Variants in MARCHF11 observed in about 807,000 individuals in gnomAD.
The protein encoded by MARCHF11 is E3 ubiquitin-protein ligase MARCHF11.
Under a neutral mutation model 37.3 loss-of-function variants are expected in MARCHF11, and 29 were observed. The ratio of observed to expected loss-of-function variants is 0.78; its 90% CI spans 0.58 to 1.06. The LOEUF (loss-of-function observed/expected upper bound fraction) is 1.06, where lower values mean the gene tolerates loss of function less well. MARCHF11 is among the 50% of genes least tolerant of loss of function. The pLI, the probability that MARCHF11 is intolerant of heterozygous loss-of-function variation, is 0.00. For synonymous variants in MARCHF11, 233 were observed against 228.0 expected (o/e 1.02, Z -0.20); for missense variants, 482 against 533.4 (o/e 0.90, Z 0.95).
chr5:16,179,769 G>A lies in MARCHF11; in HGVS notation c.-194C>T. On this transcript the variant is annotated 5_prime_UTR_variant, in exon 1 of 4. Coordinates refer to ENST00000332432, the MANE Select transcript of MARCHF11 (RefSeq NM_001102562.3). Reference sequence around the variant, plus strand: ...GCGGCGGCGGCAGGCGCGGCCGTTCGGTGGAGCCGCCGGCTCGGCTCTGAT... The same window carrying A: ...GCGGCGGCGGCAGGCGCGGCCGTTCAGTGGAGCCGCCGGCTCGGCTCTGAT... The A allele has an allele frequency of 3.7e-6, 1 of 273,058 alleles. No individual in the cohort carries two copies. The highest frequency in any genetic ancestry group is 6.5e-6 in the Non-Finnish European group (1 of 152,926). 16.9% of individuals were successfully genotyped at this position (273,058 alleles called of 1,614,324 possible). A position where few individuals can be genotyped will look rare whatever the true frequency, so the allele number is the denominator to read the frequency against.
intron 2 of MARCHF11, among the ~76,000 whole-genome samples, chr5:16,125,054 T>A (rs148602085): frequency 2.2e-4 from 34 of 151,644 alleles, no homozygotes; most frequent in African/African-American, 7.2e-4. Context: ...TTATTATAAT[T>A]GCCTTCAATC....
intron 2 of MARCHF11, among the ~76,000 whole-genome samples, chr5:16,126,639 A>C (rs1737414432): frequency 6.6e-6 from 1 of 152,226 alleles, no homozygotes; most frequent in East Asian, 1.9e-4. Flanking sequence ...AGGGCAAAAA[A>C]GCTAAAAGAT....
chr5:16,138,219 C>T (rs969937549), intron 2 of MARCHF11, among the ~76,000 whole-genome samples: 22 of 152,144 alleles, frequency 1.4e-4, no homozygotes, highest in Admixed American at 1.0e-3. Flanking sequence ...GTTACATCAG[C>T]GGAGCTCAGG....
chr5:16,092,939 G>C (rs1010240678), intron 2 of MARCHF11, among the ~76,000 whole-genome samples: 1 of 152,162 alleles, frequency 6.6e-6, no homozygotes, highest in Non-Finnish European at 1.5e-5. Flanking sequence ...CAGATATGAA[G>C]TGTCAGTATC....
chr5:16,153,455 T>A (rs1737920595), intron 2 of MARCHF11, among the ~76,000 whole-genome samples: 1 of 151,952 alleles, frequency 6.6e-6, no homozygotes, highest in African/African-American at 2.4e-5. Flanking sequence ...TGACTGTCAC[T>A]GTAGGCAACT....
intron 2 of MARCHF11, among the ~76,000 whole-genome samples, chr5:16,100,154 G>A (rs1304961518): frequency 1.3e-5 from 2 of 152,106 alleles, no homozygotes; most frequent in African/African-American, 4.8e-5. Context: ...AATTGCAAAG[G>A]AGGAGAGAAA....
chr5:16,077,589 A>G (rs79020373), intron 3 of MARCHF11, among the ~76,000 whole-genome samples: 4,133 of 152,300 alleles, frequency 0.027, 172 homozygotes, highest in African/African-American at 0.094. Context: ...CCATCTAAGT[A>G]TAATTAAAAT....
intron 2 of MARCHF11, among the ~76,000 whole-genome samples, chr5:16,160,308 TATTTAATATAAACATTTAATA>T (rs1241692574): frequency 2.6e-5 from 2 of 75,850 alleles, no homozygotes; most frequent in South Asian, 6.1e-4. Context: ...ATATATTTAA[TATTTAATATAAACATTTAATA>T]ATTTAATATA....
intron 2 of MARCHF11, among the ~76,000 whole-genome samples, chr5:16,176,838 C>T (rs1049398316): frequency 7.2e-5 from 11 of 152,062 alleles, no homozygotes; most frequent in Admixed American, 2.0e-4. Flanking sequence ...CTTTGCAATT[C>T]CCTATTCTTT....
rs1325112755 is a variant in MARCHF11, at chr5:16,088,062, TCC to T, written c.886+2825_886+2826del. Among the ~76,000 whole-genome samples the T allele has an allele frequency of 3.3e-5, 5 of 152,188 alleles. No homozygotes were observed. The East Asian group carries it at 9.6e-4, about 29-fold the overall frequency. On this transcript the variant is annotated intron_variant, in intron 3 of 3. Coordinates refer to ENST00000332432, the MANE Select transcript of MARCHF11 (RefSeq NM_001102562.3). The stretch of plus-strand genomic sequence containing the variant: ...AGGGATGTCTCCAATTACATTAAAA[TCC>T]TTTGAATGGGGAGCCAATCTCACAT...
intron 2 of MARCHF11, among the ~76,000 whole-genome samples, chr5:16,136,138 T>C (rs1737609703): frequency 1.3e-5 from 2 of 152,036 alleles, no homozygotes; most frequent in South Asian, 2.1e-4. Context: ...AAGAAAATGA[T>C]AGTAGTTAGA....
At chr5:16,177,286 C>G (rs1738379197) in intron 2 of MARCHF11, among the ~76,000 whole-genome samples, 1 of 152,168 alleles carries the variant, frequency 6.6e-6, no homozygotes, top group African/African-American at 2.4e-5. Flanking sequence ...ATAGGTTCAA[C>G]CAAAGTTTTC....
chr5:16,168,543 C>T (rs529238951), intron 2 of MARCHF11, among the ~76,000 whole-genome samples: 12 of 152,198 alleles, frequency 7.9e-5, no homozygotes, highest in East Asian at 1.9e-4. Flanking sequence ...TAGGAGGAGA[C>T]GGAAAGGTGG....
intron 2 of MARCHF11, among the ~76,000 whole-genome samples, chr5:16,163,716 T>C (rs1224115624): frequency 6.6e-6 from 1 of 152,100 alleles, no homozygotes; most frequent in Non-Finnish European, 1.5e-5. Context: ...ATTAGAGTGC[T>C]ATGATTTGAA....
chr5:16,083,086 A>C (rs1388103431), intron 3 of MARCHF11, among the ~76,000 whole-genome samples: 2 of 152,190 alleles, frequency 1.3e-5, no homozygotes, highest in African/African-American at 2.4e-5. Context: ...CTTGTGATGA[A>C]AGTCTTTTGA....
chr5:16,162,682 T>C (rs1464482768), intron 2 of MARCHF11, among the ~76,000 whole-genome samples: 1 of 152,042 alleles, frequency 6.6e-6, no homozygotes, highest in Non-Finnish European at 1.5e-5. Context: ...TTTGTCTTTT[T>C]TGTTTACTTT....
chr5:16,153,836 A>C (rs138937297), intron 2 of MARCHF11, among the ~76,000 whole-genome samples: 1 of 152,072 alleles, frequency 6.6e-6, no homozygotes, highest in East Asian at 1.9e-4. Flanking sequence ...ATGTAATCTG[A>C]AGTGCTGTCT....
chr5:16,125,600 G>C (rs1737390055), intron 2 of MARCHF11, among the ~76,000 whole-genome samples: 1 of 149,982 alleles, frequency 6.7e-6, no homozygotes, highest in African/African-American at 2.5e-5. Context: ...CTCTCAGCTG[G>C]TGCACCCTGG....
At chr5:16,096,124 C>T (rs1736863713) in intron 2 of MARCHF11, among the ~76,000 whole-genome samples, 1 of 152,156 alleles carries the variant, frequency 6.6e-6, no homozygotes, top group Admixed American at 6.6e-5. Context: ...CCTTAATTCC[C>T]TACTTAAACT....
Sources: gnomAD v4.1 joint callset for allele counts (sites outside exome capture counted in the v4.1 genomes callset) on GRCh38, gnomAD v4.1.1 for gene constraint, MANE v1.5 for transcripts, NCBI Gene and HGNC (gene_info 2026-07-23, HGNC 2026-07-21) for gene names.